Variants in CLEC11A observed in about 807,000 individuals in gnomAD.
The protein encoded by CLEC11A is C-type lectin domain family 11 member A.
CLEC11A carries 35 observed loss-of-function variants against 33.9 expected under a neutral mutation model. That is an observed-to-expected ratio of 1.03 (90% confidence interval 0.79 to 1.37). CLEC11A has a LOEUF of 1.37. Ranked by LOEUF, CLEC11A falls within the 40% of genes most tolerant of loss-of-function variation. The pLI is 0.00. For synonymous variants in CLEC11A, 220 were observed against 202.2 expected (o/e 1.09, Z -0.75); for missense variants, 519 against 455.5 (o/e 1.14, Z -1.27).
Position 50,723,592 on chromosome 19 carries a change from C to T in CLEC11A, c.67C>T (p.Arg23Trp), listed in dbSNP as rs1265330750. The T allele has an allele frequency of 5.0e-6, 8 of 1,611,688 alleles. No homozygotes were observed. The highest frequency in any genetic ancestry group is 3.3e-5 in the South Asian group (3 of 90,912). Reference protein sequence around the residue: ...PQLLGFGHGARGAEREWEGGW... With the variant: ...PQLLGFGHGAWGAEREWEGGW... ...GCTCTTGGGCTTTGGCCATGGGGCT[C>T]GGGGAGCAGAGAGGGAGTGGGAGGG... Residue 23 changes from arginine (R) to tryptophan (W), a missense_variant, in exon 1 of 4, where the codon CGG becomes TGG. Transcript: ENST00000250340. This position sits in a 1 kb window ranked among gnomAD's most constrained non-coding sequence, Gnocchi z 4.1.
In CLEC11A at chr19:50,725,419, C is replaced by T. The variant is rs2089180118; in HGVS notation, c.924C>T (p.Asp308=). ...AQASDDGSWW[D]HDCQRRLYYV... ...CCTCTGACGACGGCTCCTGGTGGGA[C>T]CACGACTGCCAGCGGCGTCTCTACT... The change falls in exon 4 of 4, where the codon GAC becomes GAT. Residue 308 remains aspartate (D), a synonymous_variant. Transcript: ENST00000250340. 6 of 1,610,610 alleles carry T rather than the reference C, an allele frequency of 3.7e-6. No homozygotes were observed. Among genetic ancestry groups the T allele is most frequent in the Non-Finnish European group, 5.1e-6 (6 of 1,178,904 alleles).
chr19:50,725,311 C>T lies in CLEC11A; in HGVS notation c.816C>T (p.Leu272=). The T allele has an allele frequency of 1.9e-6, 3 of 1,611,958 alleles. No individual in the cohort carries two copies. Among genetic ancestry groups the T allele is most frequent in the Non-Finnish European group, 2.5e-6 (3 of 1,179,414 alleles). ...GGCATCGCTCACCCCGCCCCGAGCT[C>T]GGCGCCCAGCCCAGCGCCTCGCCGC... ...FAWHRSPRPE[L]GAQPSASPHP... The change falls in exon 4 of 4, where the codon CTC becomes CTT. Residue 272 remains leucine (L), a synonymous_variant. Coordinates refer to ENST00000250340, the MANE Select transcript of CLEC11A (RefSeq NM_002975.3).
chr19:50,725,580 C>T lies in CLEC11A; in HGVS notation c.*113C>T. ...TCCTGGCCACGAATGGCAGCGTCCT[C>T]CCCGACCCCCAGTCTGGGCGCTTCT... On this transcript the variant is annotated 3_prime_UTR_variant, in exon 4 of 4. Coordinates refer to ENST00000250340, the MANE Select transcript of CLEC11A (RefSeq NM_002975.3). 6.9e-7 allele frequency: 1 copy of T among 1,444,842 alleles called. No homozygotes were observed. Among genetic ancestry groups the T allele is most frequent in the South Asian group, 1.5e-5 (1 of 67,828 alleles). 89.5% of individuals were successfully genotyped at this position (1,444,842 alleles called of 1,614,324 possible).
In CLEC11A at chr19:50,724,045, C is replaced by G. The variant is rs751233976; in HGVS notation, c.288C>G (p.Ser96=). 9.9e-6 allele frequency: 16 copies of G among 1,612,478 alleles called. No homozygotes were observed. The Admixed American group carries it at 2.2e-4, about 22-fold the overall frequency. The change falls in exon 2 of 4, where the codon TCC becomes TCG. Residue 96 remains serine, a synonymous_variant. Coordinates refer to ENST00000250340, the MANE Select transcript of CLEC11A (RefSeq NM_002975.3). The surrounding 1 kb of genome is among the most constrained non-coding windows in gnomAD (Gnocchi z 4.1). ...EEEEATPTPS[S]GPSPSPTPED... ...AGGAAGCAACGCCAACCCCATCCTCCGGCCCCAGCCCCTCTCCCACCCCTG... is the reference window on the plus strand; with the variant it reads ...AGGAAGCAACGCCAACCCCATCCTCGGGCCCCAGCCCCTCTCCCACCCCTG...
Position 50,723,789 on chromosome 19 carries a change from A to G in CLEC11A, c.148-116A>G. On this transcript the variant is annotated intron_variant, in intron 1 of 3. Transcript: ENST00000250340. The surrounding 1 kb of genome is among the most constrained non-coding windows in gnomAD (Gnocchi z 4.1). ...ATTGGGATAGTCTCAGAGGAGTGGG[A>G]GGGTGATGGGCTCAGAGACAGGACT... 6.5e-7 allele frequency: 1 copy of G among 1,528,958 alleles called. No homozygotes were observed. The highest frequency in any genetic ancestry group is 1.4e-5 in the African/African-American group (1 of 71,952). 94.7% of individuals were successfully genotyped at this position (1,528,958 alleles called of 1,614,324 possible).
At position 50,724,880 on chromosome 19, in the gene CLEC11A, G is replaced by C; in HGVS notation, c.527-142G>C. 7.2e-7 allele frequency: 1 copy of C among 1,398,304 alleles called. No individual in the cohort carries two copies. The highest frequency in any genetic ancestry group is 1.6e-5 in the South Asian group (1 of 62,678). The allele number at this position is 1,398,304 out of a possible 1,614,324, so 86.6% of individuals were successfully genotyped here. A position where few individuals can be genotyped will look rare whatever the true frequency, so the allele number is the denominator to read the frequency against. ...CCAGACTCTCCACCTCCTGGCTCCC[G>C]CGGTTCTGACCACGCCTCCTCCCAG... On this transcript the variant is annotated intron_variant, in intron 3 of 3. Coordinates refer to ENST00000250340, the MANE Select transcript of CLEC11A (RefSeq NM_002975.3). This position sits in a 1 kb window ranked among gnomAD's most constrained non-coding sequence, Gnocchi z 4.1.
Position 50,725,513 on chromosome 19 carries a change from TC to T in CLEC11A, c.*49del. 4.0e-6 allele frequency: 6 copies of T among 1,499,712 alleles called. No individual in the cohort carries two copies. The highest frequency in any genetic ancestry group is 4.5e-6 in the Non-Finnish European group (5 of 1,120,346). 92.9% of individuals were successfully genotyped at this position (1,499,712 alleles called of 1,614,324 possible). A position where few individuals can be genotyped will look rare whatever the true frequency, so the allele number is the denominator to read the frequency against. On this transcript the variant is annotated 3_prime_UTR_variant, in exon 4 of 4. Coordinates refer to ENST00000250340, the MANE Select transcript of CLEC11A (RefSeq NM_002975.3). ...CCTGCCCATCCCACCACCCGGCCTT[TC>T]CCTGCGCCGTGCCCACCCTCCTCCG...
Position 50,725,507 on chromosome 19 carries a change from G to A in CLEC11A, c.*40G>A, listed in dbSNP as rs779147683. 2.6e-6 allele frequency: 4 copies of A among 1,514,596 alleles called. No individual in the cohort carries two copies. In the African/African-American group the frequency reaches 4.2e-5, roughly 16 times the overall value. The allele number at this position is 1,514,596 out of a possible 1,614,324, so 93.8% of individuals were successfully genotyped here. A position where few individuals can be genotyped will look rare whatever the true frequency, so the allele number is the denominator to read the frequency against. On this transcript the variant is annotated 3_prime_UTR_variant, in exon 4 of 4. Transcript: ENST00000250340. ...CGCCTCCCTGCCCATCCCACCACCC[G>A]GCCTTTCCCTGCGCCGTGCCCACCC...
chr19:50,723,494 T>A lies in CLEC11A; in HGVS notation c.-32T>A. 6.2e-7 allele frequency: 1 copy of A among 1,610,854 alleles called. No homozygotes were observed. The highest frequency in any genetic ancestry group is 8.5e-7 in the Non-Finnish European group (1 of 1,179,282). On this transcript the variant is annotated 5_prime_UTR_variant, in exon 1 of 4. Coordinates refer to ENST00000250340, the MANE Select transcript of CLEC11A (RefSeq NM_002975.3). The surrounding 1 kb of genome is among the most constrained non-coding windows in gnomAD (Gnocchi z 4.1). Reference sequence around the variant, plus strand: ...CCCTCCCACCCCAGACATCCAGACATCTGGAACTTTGGGTGCCAAGAGTCC... The same window carrying A: ...CCCTCCCACCCCAGACATCCAGACAACTGGAACTTTGGGTGCCAAGAGTCC...
Position 50,724,772 on chromosome 19 carries a change from C to T in CLEC11A, c.526+171C>T, listed in dbSNP as rs2089170501. Among the ~76,000 whole-genome samples, 2 of 152,166 alleles carry T rather than the reference C, an allele frequency of 1.3e-5. No individual in the cohort carries two copies. The highest frequency in any genetic ancestry group is 2.4e-5 in the African/African-American group (1 of 41,524). On this transcript the variant is annotated intron_variant, in intron 3 of 3. Coordinates refer to ENST00000250340, the MANE Select transcript of CLEC11A (RefSeq NM_002975.3). This position sits in a 1 kb window ranked among gnomAD's most constrained non-coding sequence, Gnocchi z 4.1. ...GCTGAATGCAGGGAGCGGGTGGGCACTCCAGACCCGCGCGGACCCGACTGG... is the reference window on the plus strand; with the variant it reads ...GCTGAATGCAGGGAGCGGGTGGGCATTCCAGACCCGCGCGGACCCGACTGG...
chr19:50,724,241 C>A lies in CLEC11A; in HGVS notation c.334+150C>A. 1.4e-6 allele frequency: 2 copies of A among 1,385,796 alleles called. No individual in the cohort carries two copies. The highest frequency in any genetic ancestry group is 1.9e-6 in the Non-Finnish European group (2 of 1,025,796). The allele number at this position is 1,385,796 out of a possible 1,614,324, so 85.8% of individuals were successfully genotyped here. A position where few individuals can be genotyped will look rare whatever the true frequency, so the allele number is the denominator to read the frequency against. ...ACCCCTAGGAGCCCCAGGTCCACGG[C>A]CATGCCTCCTAAAGGCCTGGGCCAC... On this transcript the variant is annotated intron_variant, in intron 2 of 3. Transcript: ENST00000250340. The surrounding 1 kb of genome is among the most constrained non-coding windows in gnomAD (Gnocchi z 4.1).
Position 50,723,449 on chromosome 19 carries a change from C to G in CLEC11A, c.-77C>G, listed in dbSNP as rs1346337774. On this transcript the variant is annotated 5_prime_UTR_variant, in exon 1 of 4. Transcript: ENST00000250340. This position sits in a 1 kb window ranked among gnomAD's most constrained non-coding sequence, Gnocchi z 4.1. The stretch of plus-strand genomic sequence containing the variant: ...GACCTGCACACAGGGCAGGGGCACT[C>G]GGCAGTTCCCAGAGGCCACCCCTCC... 1 of 1,525,332 alleles carries G rather than the reference C, an allele frequency of 6.6e-7. No homozygotes were observed. Among genetic ancestry groups the G allele is most frequent in the Non-Finnish European group, 9.0e-7 (1 of 1,105,384 alleles). The allele number at this position is 1,525,332 out of a possible 1,614,324, so 94.5% of individuals were successfully genotyped here. A position where few individuals can be genotyped will look rare whatever the true frequency, so the allele number is the denominator to read the frequency against.
chr19:50,724,227 C>T lies in CLEC11A; in HGVS notation c.334+136C>T. 7.0e-7 allele frequency: 1 copy of T among 1,430,688 alleles called. No homozygotes were observed. Among genetic ancestry groups the T allele is most frequent in the Non-Finnish European group, 9.5e-7 (1 of 1,057,996 alleles). 88.6% of individuals were successfully genotyped at this position (1,430,688 alleles called of 1,614,324 possible). A position where few individuals can be genotyped will look rare whatever the true frequency, so the allele number is the denominator to read the frequency against. ...CCCAGAGCCCCCACACCCCTAGGAG[C>T]CCCAGGTCCACGGCCATGCCTCCTA... is the stretch of plus-strand genomic sequence containing the variant. On this transcript the variant is annotated intron_variant, in intron 2 of 3. Coordinates refer to ENST00000250340, the MANE Select transcript of CLEC11A (RefSeq NM_002975.3). This position sits in a 1 kb window ranked among gnomAD's most constrained non-coding sequence, Gnocchi z 4.1.
Position 50,724,393 on chromosome 19 carries a change from T to A in CLEC11A, c.335-17T>A, listed in dbSNP as rs769605317. ...TCTCCAGGCTCCCCCTCCAGCATGATCCCTGTCTGTCCGCAGTGGGCCGCC... is the reference window on the plus strand; with the variant it reads ...TCTCCAGGCTCCCCCTCCAGCATGAACCCTGTCTGTCCGCAGTGGGCCGCC... On this transcript the variant is annotated splice_polypyrimidine_tract_variant and intron_variant, in intron 2 of 3. Transcript: ENST00000250340. The surrounding 1 kb of genome is among the most constrained non-coding windows in gnomAD (Gnocchi z 4.1). The A allele has an allele frequency of 1.3e-6, 2 of 1,489,784 alleles. No homozygotes were observed. Among genetic ancestry groups the A allele is most frequent in the Admixed American group, 2.3e-5 (1 of 44,118 alleles). The allele number at this position is 1,489,784 out of a possible 1,614,324, so 92.3% of individuals were successfully genotyped here.
chr19:50,723,922 A>AG lies in CLEC11A; in HGVS notation c.167dup (p.Leu57ThrfsTer8), dbSNP rs1378347808. Reference sequence around the variant, plus strand: ...TGCCCCAGCATCTGCAGGAAGCCCTAGGACTGCCTGCTGGGAGGGGGGATG... The same window carrying AG: ...TGCCCCAGCATCTGCAGGAAGCCCTAGGGACTGCCTGCTGGGAGGGGGGATG... On this transcript the variant is annotated frameshift_variant, in exon 2 of 4. Transcript: ENST00000250340. LOFTEE classifies it high-confidence loss of function. This position sits in a 1 kb window ranked among gnomAD's most constrained non-coding sequence, Gnocchi z 4.1. The AG allele has an allele frequency of 6.2e-7, 1 of 1,612,838 alleles. No individual in the cohort carries two copies. Among genetic ancestry groups the AG allele is most frequent in the Admixed American group, 1.7e-5 (1 of 59,888 alleles).
rs573298809 is a variant in CLEC11A, at chr19:50,724,853, G to C, written c.527-169G>C. ...CCACCGCCTGGCCCCGCCCCTGGCG[G>C]ACCAGACTCTCCACCTCCTGGCTCC... On this transcript the variant is annotated intron_variant, in intron 3 of 3. Coordinates refer to ENST00000250340, the MANE Select transcript of CLEC11A (RefSeq NM_002975.3). The surrounding 1 kb of genome is among the most constrained non-coding windows in gnomAD (Gnocchi z 4.1). The C allele has an allele frequency of 7.2e-7, 1 of 1,396,898 alleles. No homozygotes were observed. Among genetic ancestry groups the C allele is most frequent in the Non-Finnish European group, 9.2e-7 (1 of 1,081,988 alleles). 86.5% of individuals were successfully genotyped at this position (1,396,898 alleles called of 1,614,324 possible). A position where few individuals can be genotyped will look rare whatever the true frequency, so the allele number is the denominator to read the frequency against.
chr19:50,723,450 G>A lies in CLEC11A; in HGVS notation c.-76G>A, dbSNP rs1206201220. On this transcript the variant is annotated 5_prime_UTR_variant, in exon 1 of 4. Transcript: ENST00000250340. The surrounding 1 kb of genome is among the most constrained non-coding windows in gnomAD (Gnocchi z 4.1). ...ACCTGCACACAGGGCAGGGGCACTC[G>A]GCAGTTCCCAGAGGCCACCCCTCCC... 19 of 1,534,798 alleles carry A rather than the reference G, an allele frequency of 1.2e-5. No individual in the cohort carries two copies. The highest frequency in any genetic ancestry group is 2.3e-5 in the East Asian group (1 of 44,442).
In CLEC11A at chr19:50,724,687, G is replaced by T. The variant is rs1325363811; in HGVS notation, c.526+86G>T. The T allele has an allele frequency of 1.1e-5, 15 of 1,307,338 alleles. No individual in the cohort carries two copies. The highest frequency in any genetic ancestry group is 2.6e-4 in the Middle Eastern group (1 of 3,858). 81.0% of individuals were successfully genotyped at this position (1,307,338 alleles called of 1,614,324 possible). A position where few individuals can be genotyped will look rare whatever the true frequency, so the allele number is the denominator to read the frequency against. On this transcript the variant is annotated intron_variant, in intron 3 of 3. Coordinates refer to ENST00000250340, the MANE Select transcript of CLEC11A (RefSeq NM_002975.3). The surrounding 1 kb of genome is among the most constrained non-coding windows in gnomAD (Gnocchi z 4.1). ...GTTGAGAAGGTGACCCTAGGTGTCC[G>T]GGGCGGGAGAGTTCGGGAGAGCTGC...
chr19:50,725,017 C>G lies in CLEC11A; in HGVS notation c.527-5C>G, dbSNP rs775651967. 3.0e-4 allele frequency: 447 copies of G among 1,471,262 alleles called. No individual in the cohort carries two copies. The highest frequency in any genetic ancestry group is 3.8e-4 in the South Asian group (27 of 71,414). The allele number at this position is 1,471,262 out of a possible 1,614,324, so 91.1% of individuals were successfully genotyped here. A position where few individuals can be genotyped will look rare whatever the true frequency, so the allele number is the denominator to read the frequency against. On this transcript the variant is annotated splice_region_variant and splice_polypyrimidine_tract_variant and intron_variant, in intron 3 of 3. Transcript: ENST00000250340. Reference sequence around the variant, plus strand: ...GCCTCCTTCTCTACCCGGCCCCGCCCACAGGCTGCCTGAAGGGGCTGCGCC... The same window carrying G: ...GCCTCCTTCTCTACCCGGCCCCGCCGACAGGCTGCCTGAAGGGGCTGCGCC...
Sources: allele counts gnomAD v4.1 joint callset (sites outside exome capture counted in the v4.1 genomes callset), GRCh38; gene constraint gnomAD v4.1.1; non-coding constraint Gnocchi (gnomAD v3.1); transcripts MANE v1.5; gene names NCBI Gene and HGNC (gene_info 2026-07-23, HGNC 2026-07-21).